AP3M1: variants seen among roughly 807,000 people sequenced by gnomAD.
AP3M1 encodes the protein AP-3 complex subunit mu-1.
AP3M1 carries 29 observed loss-of-function variants against 42.6 expected under a neutral mutation model. The observed-to-expected ratio is 0.68, with a 90% CI of 0.51 to 0.93. The LOEUF (loss-of-function observed/expected upper bound fraction) is 0.93. Among genes scored for constraint, AP3M1 ranks in the 40% least tolerant of loss-of-function variants. The probability of loss-of-function intolerance (pLI) is 0.00; values close to 1 mark genes in which losing one functional copy is unlikely to be tolerated. For missense variants in AP3M1, 416 were observed against 510.2 expected, an observed-to-expected ratio of 0.82 and a Z score of 1.78; for synonymous variants, 178 against 175.3, an observed-to-expected ratio of 1.02 and a Z score of -0.12.
intron 4 of AP3M1, among the ~76,000 whole-genome samples, chr10:74,133,632 C>T (rs975479396): frequency 6.6e-6 from 1 of 151,702 alleles, no homozygotes; most frequent in African/African-American, 2.4e-5. Context: ...CGAAACCATA[C>T]TGCCAAAGGA....
At chr10:74,138,017 T>C in intron 2 of AP3M1, 90 bp downstream of exon 2, 1 of 1,366,410 alleles carries the variant, frequency 7.3e-7, no homozygotes, top group South Asian at 1.5e-5. Context: ...ACAGTAAACA[T>C]CAAAACCTGG....
intron 1 of AP3M1, among the ~76,000 whole-genome samples, chr10:74,141,927 T>C (rs1841166742): frequency 6.6e-6 from 1 of 151,272 alleles, no homozygotes; most frequent in Non-Finnish European, 1.5e-5. Context: ...TTCACTATGT[T>C]GGCCAGGCTG....
chr10:74,134,818 C>A (rs1348747766), intron 3 of AP3M1, among the ~76,000 whole-genome samples: 1 of 152,094 alleles, frequency 6.6e-6, no homozygotes, highest in Non-Finnish European at 1.5e-5. Context: ...TTAACAACAA[C>A]AAAAAGGTAG....
intron 1 of AP3M1, among the ~76,000 whole-genome samples, chr10:74,140,223 C>T (rs2131989826): frequency 6.6e-6 from 1 of 152,324 alleles, no homozygotes; most frequent in Admixed American, 6.5e-5. Flanking sequence ...GTTTCCTGAG[C>T]CAGGATCTGG....
chr10:74,126,801 T>A (rs569079295), intron 6 of AP3M1, among the ~76,000 whole-genome samples: 3 of 150,790 alleles, frequency 2.0e-5, no homozygotes, highest in African/African-American at 7.3e-5. Context: ...TGAAACCTCG[T>A]CTCTACTAAA....
intron 4 of AP3M1, 93 bp downstream of exon 4, chr10:74,133,934 T>G: frequency 4.7e-5 from 70 of 1,502,964 alleles, no homozygotes; most frequent in Non-Finnish European, 5.9e-5. Flanking sequence ...ATTACAGGCG[T>G]GAGCCACCGC....
chr10:74,147,570 T>C (rs1008102289), intron 1 of AP3M1, among the ~76,000 whole-genome samples: 1 of 152,254 alleles, frequency 6.6e-6, no homozygotes, highest in African/African-American at 2.4e-5. Flanking sequence ...CCACAGAATA[T>C]TCTCTGTTTA....
At position 74,122,488 on chromosome 10, in the gene AP3M1, C is replaced by A. The variant is rs1173085867; in HGVS notation, c.*1322G>T. ...TGAGGCAAAATAACTGGGCAAGGAC[C>A]ACCAAGATGAAGAAGTTAAATAAAA... On this transcript the variant is annotated 3_prime_UTR_variant, in exon 9 of 9. Coordinates refer to ENST00000355264, the MANE Select transcript of AP3M1 (RefSeq NM_012095.6). The A allele has an allele frequency of 6.6e-6, 1 of 152,072 alleles. No individual in the cohort carries two copies. The highest frequency in any genetic ancestry group is 2.4e-5 in the African/African-American group (1 of 41,404). The allele number at this position is 152,072 out of a possible 1,614,324, so 9.4% of individuals were successfully genotyped here.
chr10:74,140,445 A>G (rs1299416080), intron 1 of AP3M1, among the ~76,000 whole-genome samples: 1 of 152,238 alleles, frequency 6.6e-6, no homozygotes, highest in Non-Finnish European at 1.5e-5. Context: ...TCATTTTGAA[A>G]TACTTGGCTG....
rs557303742 is a variant in AP3M1, at chr10:74,130,076, T to C, written c.584-84A>G. 2.9e-4 allele frequency: 285 copies of C among 972,888 alleles called. No individual in the cohort carries two copies. In the African/African-American group the frequency reaches 4.2e-3, roughly 14 times the overall value. The allele number at this position is 972,888 out of a possible 1,614,324, so 60.3% of individuals were successfully genotyped here. A position where few individuals can be genotyped will look rare whatever the true frequency, so the allele number is the denominator to read the frequency against. On this transcript the variant is annotated intron_variant, in intron 4 of 8. Transcript: ENST00000355264. ...CTATCACTGTATCTTTTTATTTTTA[T>C]TTATTGTTTTTAGAGACAGAGTCTT... is the stretch of plus-strand genomic sequence containing the variant.
intron 3 of AP3M1, 44 bp from the exon 4 acceptor site, chr10:74,134,208 G>T (rs1179195159): frequency 1.3e-6 from 2 of 1,549,564 alleles, no homozygotes; most frequent in Non-Finnish European, 1.7e-6. Flanking sequence ...GTATAAAACA[G>T]TCATGAGAAA....
chr10:74,140,888 C>T (rs1025861198), intron 1 of AP3M1, among the ~76,000 whole-genome samples: 13 of 152,006 alleles, frequency 8.6e-5, no homozygotes, highest in African/African-American at 2.9e-4. Flanking sequence ...GTATCAAAGA[C>T]CTAATTGGAA....
intron 8 of AP3M1, 108 bp downstream of exon 8, chr10:74,124,272 G>A: frequency 7.3e-7 from 1 of 1,365,150 alleles, no homozygotes; most frequent in Non-Finnish European, 9.9e-7. Context: ...AAGGCAAATG[G>A]GCTACTGCTC....
rs1376964908 is a variant in AP3M1, at chr10:74,122,736, A to G, written c.*1074T>C. Reference sequence around the variant, plus strand: ...ATGACTATAGCTTTGGGAAGCACACAATATGAAAAGGGAATTTCCCCTAAA... The same window carrying G: ...ATGACTATAGCTTTGGGAAGCACACGATATGAAAAGGGAATTTCCCCTAAA... On this transcript the variant is annotated 3_prime_UTR_variant, in exon 9 of 9. Transcript: ENST00000355264. The G allele has an allele frequency of 2.0e-5, 3 of 152,230 alleles. No individual in the cohort carries two copies. Among genetic ancestry groups the G allele is most frequent in the Admixed American group, 6.5e-5 (1 of 15,286 alleles). 9.4% of individuals were successfully genotyped at this position (152,230 alleles called of 1,614,324 possible). A position where few individuals can be genotyped will look rare whatever the true frequency, so the allele number is the denominator to read the frequency against.
chr10:74,126,039 C>A, intron 7 of AP3M1, 109 bp downstream of exon 7: 3 of 1,161,088 alleles, frequency 2.6e-6, no homozygotes, highest in Non-Finnish European at 3.8e-6. Flanking sequence ...GGTTTTGATA[C>A]GAACTTTAGT....
At chr10:74,139,461 A>AAC (rs1841060956) in intron 1 of AP3M1, among the ~76,000 whole-genome samples, 1 of 151,572 alleles carries the variant, frequency 6.6e-6, no homozygotes, top group African/African-American at 2.4e-5. Flanking sequence ...TAAAAAAAAA[A>AAC]AAACAAAACA....
intron 1 of AP3M1, among the ~76,000 whole-genome samples, chr10:74,141,656 A>C (rs974267031): frequency 6.6e-6 from 1 of 151,648 alleles, no homozygotes; most frequent in African/African-American, 2.4e-5. Context: ...TGGAGAGTGG[A>C]GGGCCATGGG....
chr10:74,129,152 T>C lies in AP3M1; in HGVS notation c.759A>G (p.Pro253=), dbSNP rs772642400. The part of the protein sequence containing the change: ...ESERVLSFIP[P]DGNFRLISYR... The stretch of plus-strand genomic sequence containing the variant: ...ATGATATGAGTCGGAAATTTCCATC[T>C]GGAGGAATAAATGACAAAACTCTTT... The change falls in exon 6 of 9, where the codon CCA becomes CCG. Residue 253 remains proline (P), a synonymous_variant. Coordinates refer to ENST00000355264, the MANE Select transcript of AP3M1 (RefSeq NM_012095.6). 1 of 1,614,156 alleles carries C rather than the reference T, an allele frequency of 6.2e-7. No homozygotes were observed. Among genetic ancestry groups the C allele is most frequent in the Non-Finnish European group, 8.5e-7 (1 of 1,180,014 alleles).
chr10:74,150,264 A>C (rs1291968829), intron 1 of AP3M1: 1 of 152,334 alleles, frequency 6.6e-6, no homozygotes, highest in Admixed American at 6.6e-5. Flanking sequence ...AAATCTACCA[A>C]ATACAAACAG....
Sources: allele counts gnomAD v4.1 joint callset (sites outside exome capture counted in the v4.1 genomes callset), GRCh38; gene constraint gnomAD v4.1.1; transcripts MANE v1.5; gene names NCBI Gene and HGNC (gene_info 2026-07-23, HGNC 2026-07-21).